Variants in TTC34 observed in about 807,000 individuals in gnomAD.
The protein encoded by TTC34 is tetratricopeptide repeat protein 34.
TTC34 carries 44 observed loss-of-function variants against 40.7 expected under a neutral mutation model. The observed-to-expected ratio is 1.08, with a 90% CI of 0.85 to 1.39. The LOEUF is 1.39. Ranked by LOEUF, TTC34 falls within the 40% of genes most tolerant of loss-of-function variation. The pLI, the probability that TTC34 is intolerant of heterozygous loss-of-function variation, is 0.00. For synonymous variants in TTC34, 422 were observed against 398.6 expected, an observed-to-expected ratio of 1.06 and a Z score of -0.70; for missense variants, 884 against 838.0, an observed-to-expected ratio of 1.05 and a Z score of -0.68.
At position 2,688,520 on chromosome 1, in the gene TTC34, A is replaced by C. The variant is rs1161481646; in HGVS notation, c.2227-42957T>G. The stretch of plus-strand genomic sequence containing the variant: ...AGGTGAGCATCTGACAGCCTGTAAC[A>C]GTACCCACACCCACAGGCGAGCACC... On this transcript the variant is annotated intron_variant, in intron 6 of 8. Coordinates refer to ENST00000401095, the Ensembl canonical transcript of TTC34. Among the ~76,000 whole-genome samples the C allele has an allele frequency of 1.4e-5, 2 of 140,130 alleles. 1 individual carries two copies. The highest frequency in any genetic ancestry group is 6.0e-5 in the African/African-American group (2 of 33,254). 91.9% of individuals were successfully genotyped at this position (140,130 alleles called of 152,430 possible). A position where few individuals can be genotyped will look rare whatever the true frequency, so the allele number is the denominator to read the frequency against.
rs1641637317 is a variant in TTC34 at position 2,759,881 on chromosome 1, C to A, written c.2226+23728G>T. Reference sequence around the variant, plus strand: ...GACAGCCTGGAGTAGTATCCTGCACCCTCAGGTGAGCATCTGACAGCCTGG... The same window carrying A: ...GACAGCCTGGAGTAGTATCCTGCACACTCAGGTGAGCATCTGACAGCCTGG... On this transcript the variant is annotated intron_variant, in intron 6 of 8. Coordinates refer to ENST00000401095, the Ensembl canonical transcript of TTC34. Among the ~76,000 whole-genome samples the A allele has an allele frequency of 5.5e-5, 8 of 144,228 alleles. 1 individual carries two copies. The East Asian group carries it at 6.6e-4, about 12-fold the overall frequency. The allele number at this position is 144,228 out of a possible 152,430, so 94.6% of individuals were successfully genotyped here.
intron 5 of TTC34, among the ~76,000 whole-genome samples, chr1:2,784,110 G>A (rs1016123241): frequency 2.6e-5 from 4 of 152,058 alleles, no homozygotes; most frequent in African/African-American, 7.2e-5. Context: ...ACGGCTGAGC[G>A]CACTGATATT....
chr1:2,759,956 C>CAA (rs1641640891), intron 6 of TTC34, among the ~76,000 whole-genome samples: 5 of 140,964 alleles, frequency 3.5e-5, no homozygotes, highest in Admixed American at 7.0e-5. Context: ...GGAAAGGCAC[C>CAA]CACACCACCA....
exon 2 of TTC34, chr1:2,800,362 C>T (rs982667211): frequency 1.0e-5 from 4 of 398,384 alleles, no homozygotes; most frequent in Non-Finnish European, 1.3e-5. Flanking sequence ...GCCACACCAT[C>T]CGCTGCCTGC....
intron 6 of TTC34, among the ~76,000 whole-genome samples, chr1:2,758,185 C>A: frequency 6.9e-6 from 1 of 145,752 alleles, no homozygotes; most frequent in Non-Finnish European, 1.5e-5. Flanking sequence ...CCTGGAACAG[C>A]ACCCTGCACC....
chr1:2,751,719 C>A (rs1641326885), intron 6 of TTC34, among the ~76,000 whole-genome samples: 8 of 151,094 alleles, frequency 5.3e-5, no homozygotes, highest in Non-Finnish European at 7.4e-5. Context: ...CCTGGAGCAG[C>A]ACCCACACCC....
chr1:2,799,196 A>C (rs1643747216), intron 2 of TTC34, among the ~76,000 whole-genome samples: 1 of 151,872 alleles, frequency 6.6e-6, no homozygotes. Context: ...TCTTGTCCTT[A>C]CTCTGGTTCC....
intron 6 of TTC34, among the ~76,000 whole-genome samples, chr1:2,685,277 A>T (rs1172766090): frequency 2.4e-5 from 2 of 82,380 alleles, no homozygotes; most frequent in Non-Finnish European, 4.6e-5. Flanking sequence ...AGCACCCTGC[A>T]CCCCCAGGTG....
intron 6 of TTC34, among the ~76,000 whole-genome samples, chr1:2,749,551 G>A (rs1315413766): frequency 1.8e-5 from 1 of 55,070 alleles, no homozygotes; most frequent in African/African-American, 1.2e-4. Context: ...AACGCAAATA[G>A]CAGCACCCAC....
chr1:2,768,543 C>T (rs1311288415), intron 6 of TTC34, among the ~76,000 whole-genome samples: 1 of 151,814 alleles, frequency 6.6e-6, no homozygotes, highest in African/African-American at 2.4e-5. Context: ...CCCACAACTG[C>T]AGGTGAGCAT....
chr1:2,657,734 CCCACACCCTCA>C (rs1639402534), intron 6 of TTC34, among the ~76,000 whole-genome samples: 1 of 44,052 alleles, frequency 2.3e-5, no homozygotes, highest in Admixed American at 2.4e-4. Context: ...TGGGTCGGCA[CCCACACCCTCA>C]GGTGAGCATC....
chr1:2,642,512 C>T (rs549105626), intron 8 of TTC34, among the ~76,000 whole-genome samples: 5 of 152,206 alleles, frequency 3.3e-5, no homozygotes, highest in South Asian at 2.1e-4. Context: ...CTGCCCCCCC[C>T]ACTCCTCCCG....
intron 6 of TTC34, among the ~76,000 whole-genome samples, chr1:2,699,487 C>T (rs12742092): frequency 7.7e-4 from 96 of 124,910 alleles, no homozygotes; most frequent in Admixed American, 1.1e-3. Context: ...TGGAGCAGCA[C>T]CCACACACCC....
chr1:2,687,955 C>T (rs558247743), intron 6 of TTC34, among the ~76,000 whole-genome samples: 2 of 150,902 alleles, frequency 1.3e-5, no homozygotes, highest in East Asian at 2.0e-4. Flanking sequence ...CAGCCTGGAA[C>T]AGCACGCGCA....
intron 6 of TTC34, among the ~76,000 whole-genome samples, chr1:2,651,438 C>T (rs1010200191): frequency 7.9e-5 from 12 of 152,034 alleles, no homozygotes; most frequent in African/African-American, 1.2e-4. Flanking sequence ...ACCCCACACA[C>T]GCAGGTAAGC....
At position 2,757,712 on chromosome 1, in the gene TTC34, C is replaced by G. The variant is rs1253100528; in HGVS notation, c.2226+25897G>C. 1.1e-3 allele frequency among the ~76,000 whole-genome samples: 162 copies of G among 146,238 alleles called. 3 individuals are homozygous for G. The highest frequency in any genetic ancestry group is 4.0e-3 in the African/African-American group (154 of 38,822). ...GACATCGTGGAGCAGCACCCCACAC[C>G]CACAGGTGAGCATCTGACAGCCTGT... is the stretch of plus-strand genomic sequence containing the variant. On this transcript the variant is annotated intron_variant, in intron 6 of 8. Coordinates refer to ENST00000401095, the Ensembl canonical transcript of TTC34.
intron 6 of TTC34, among the ~76,000 whole-genome samples, chr1:2,685,861 C>G (rs1570812285): frequency 2.7e-5 from 4 of 150,364 alleles, no homozygotes; most frequent in African/African-American, 7.4e-5. Flanking sequence ...CTCTGACAGC[C>G]TGGAACAGCA....
chr1:2,787,618 G>A (rs1250529873), exon 4 of TTC34: 2 of 1,550,028 alleles, frequency 1.3e-6, no homozygotes, highest in South Asian at 2.4e-5. Flanking sequence ...AGGCGGTACA[G>A]GGCATCAGCC....
rs1401659710 is a variant in TTC34, at chr1:2,787,639, G to A, written c.1696C>T (p.Arg566Cys). 4.6e-5 allele frequency: 72 copies of A among 1,549,844 alleles called. No individual in the cohort carries two copies. The highest frequency in any genetic ancestry group is 1.8e-4 in the Admixed American group (9 of 50,954). Residue 566 changes from arginine (R) to cysteine (C), a missense_variant, in exon 4 of 9, where the codon CGC becomes TGC. Physicochemically the swap from Arg to Cys is radical, Grantham distance 180. Transcript: ENST00000401095. ...TACAGGGCATCAGCCGCCAGGAGGC[G>A]AGAGGCCTCGTCCTCTGAATCCAGC...
Sources: allele counts gnomAD v4.1 joint callset (sites outside exome capture counted in the v4.1 genomes callset), GRCh38; gene constraint gnomAD v4.1.1; transcripts MANE v1.5; gene names NCBI Gene and HGNC (gene_info 2026-07-23, HGNC 2026-07-21).